Variants in PRORP observed in about 807,000 individuals in gnomAD.
PRORP encodes protein only RNase P catalytic subunit, also known as mitochondrial ribonuclease P catalytic subunit.
Under a neutral mutation model 59.4 loss-of-function variants are expected in PRORP, and 51 were observed. That is an observed-to-expected ratio of 0.86 (90% CI 0.69 to 1.08). PRORP has a LOEUF of 1.08. Among genes scored for constraint, PRORP ranks in the 50% least tolerant of loss-of-function variants. The pLI is 0.00. For synonymous variants in PRORP, 231 were observed against 245.6 expected (o/e 0.94, Z 0.55); for missense variants, 646 against 690.3 (o/e 0.94, Z 0.72).
chr14:35,217,268 A>G (rs1253332134), intron 5 of PRORP, among the ~76,000 whole-genome samples: 1 of 152,166 alleles, frequency 6.6e-6, no homozygotes, highest in Non-Finnish European at 1.5e-5. Context: ...TGGGAGGCCA[A>G]GGTGGGCAGA....
intron 5 of PRORP, among the ~76,000 whole-genome samples, chr14:35,217,429 A>G (rs2049631643): frequency 6.6e-6 from 1 of 150,454 alleles, no homozygotes; most frequent in African/African-American, 2.5e-5. Context: ...TGAACCTGGG[A>G]GGCAAAGGTT....
intron 5 of PRORP, among the ~76,000 whole-genome samples, chr14:35,200,182 TTTTG>T (rs149290991): frequency 0.1 from 15,487 of 151,890 alleles, 872 homozygotes; most frequent in African/African-American, 0.15. Context: ...ATGCAAAATT[TTTTG>T]TTTGTTTGTT....
At chr14:35,200,036 T>G (rs1200470846) in intron 5 of PRORP, among the ~76,000 whole-genome samples, 1 of 152,152 alleles carries the variant, frequency 6.6e-6, no homozygotes, top group Non-Finnish European at 1.5e-5. Flanking sequence ...GAAACAGCCA[T>G]TCGTCTTCAA....
rs1271953678 is a variant in PRORP, at chr14:35,126,904, A to G, written c.1034+122A>G. ...ATAATTACAAGTTTGTAATTAGAGT[A>G]TCTGAGGAAAAAAACATACTTTGCA... is the stretch of plus-strand genomic sequence containing the variant. On this transcript the variant is annotated intron_variant, in intron 3 of 7. Transcript: ENST00000534898. 1.5e-5 allele frequency: 11 copies of G among 725,028 alleles called. No homozygotes were observed. The East Asian group carries it at 3.0e-4, about 20-fold the overall frequency. 44.9% of individuals were successfully genotyped at this position (725,028 alleles called of 1,614,324 possible).
At chr14:35,218,473 A>AAT (rs1357638653) in intron 5 of PRORP, among the ~76,000 whole-genome samples, 1 of 145,950 alleles carries the variant, frequency 6.9e-6, no homozygotes, top group Non-Finnish European at 1.5e-5. Flanking sequence ...AAAAGAAAAA[A>AAT]AAAAAAAAAA....
chr14:35,183,298 A>G (rs770591340), intron 5 of PRORP, among the ~76,000 whole-genome samples: 3 of 152,150 alleles, frequency 2.0e-5, no homozygotes, highest in African/African-American at 4.8e-5. Flanking sequence ...AGAATACTGT[A>G]TAAGAGAATT....
intron 4 of PRORP, among the ~76,000 whole-genome samples, chr14:35,150,189 T>C (rs1017527833): frequency 6.6e-6 from 1 of 152,206 alleles, no homozygotes; most frequent in Non-Finnish European, 1.5e-5. Flanking sequence ...GCTCAGTGAT[T>C]TCAAGCTTTT....
At chr14:35,149,048 A>C (rs1299321753) in intron 4 of PRORP, among the ~76,000 whole-genome samples, 2 of 146,558 alleles carry the variant, frequency 1.4e-5, no homozygotes, top group Non-Finnish European at 3.0e-5. Context: ...CCTCCCGAGT[A>C]GCTGGGACAA....
At chr14:35,201,170 A>G (rs1468385827) in intron 5 of PRORP, among the ~76,000 whole-genome samples, 1 of 152,246 alleles carries the variant, frequency 6.6e-6, no homozygotes, top group East Asian at 1.9e-4. Context: ...AAAAGTAGAT[A>G]GTATCAACAT....
chr14:35,260,151 A>G (rs2138630723), intron 5 of PRORP, among the ~76,000 whole-genome samples: 1 of 152,070 alleles, frequency 6.6e-6, no homozygotes, highest in African/African-American at 2.4e-5. Flanking sequence ...AGCTGGGACC[A>G]CAGGCACACA....
At chr14:35,158,916 C>T in intron 4 of PRORP, 1 of 307,970 alleles carries the variant, frequency 3.2e-6, no homozygotes, top group Non-Finnish European at 6.3e-6. Context: ...CTGGATTTCC[C>T]ACCACCGTAA....
intron 4 of PRORP, among the ~76,000 whole-genome samples, chr14:35,179,239 G>C (rs186351596): frequency 5.9e-5 from 9 of 152,242 alleles, no homozygotes; most frequent in Non-Finnish European, 1.2e-4. Flanking sequence ...TCTTCTTGAG[G>C]AGTATCTTTG....
chr14:35,206,307 C>T (rs1185247598), intron 5 of PRORP, among the ~76,000 whole-genome samples: 1 of 152,110 alleles, frequency 6.6e-6, no homozygotes, highest in Non-Finnish European at 1.5e-5. Flanking sequence ...ATGCTGTTAG[C>T]GAATTCCCTG....
intron 5 of PRORP, among the ~76,000 whole-genome samples, chr14:35,264,835 A>G (rs1279158403): frequency 6.6e-6 from 1 of 152,074 alleles, no homozygotes; most frequent in Non-Finnish European, 1.5e-5. Context: ...AAAATTAGCC[A>G]GGCATGATGG....
chr14:35,270,740 G>A lies in PRORP; in HGVS notation c.1620+144G>A. 1.4e-5 allele frequency: 11 copies of A among 759,344 alleles called. No individual in the cohort carries two copies. The South Asian group carries it at 1.9e-4, about 13-fold the overall frequency. The allele number at this position is 759,344 out of a possible 1,614,324, so 47.0% of individuals were successfully genotyped here. A position where few individuals can be genotyped will look rare whatever the true frequency, so the allele number is the denominator to read the frequency against. On this transcript the variant is annotated intron_variant, in intron 7 of 7. Transcript: ENST00000534898. ...TAGGTTAGTATTTGGAACTAGCCAG[G>A]TCCTAGAAAGAGTCTGCTAGAGTTT...
intron 5 of PRORP, among the ~76,000 whole-genome samples, chr14:35,239,369 A>C (rs1399150656): frequency 6.6e-6 from 1 of 151,650 alleles, no homozygotes; most frequent in Admixed American, 6.6e-5. Context: ...AAAAAAAACA[A>C]ACTACACTAA....
At chr14:35,135,501 G>C (rs1235396158) in intron 4 of PRORP, among the ~76,000 whole-genome samples, 2 of 152,090 alleles carry the variant, frequency 1.3e-5, no homozygotes, top group African/African-American at 4.8e-5. Context: ...CTGATCCCTG[G>C]TATCAATGAA....
chr14:35,253,411 A>G (rs987066440), intron 5 of PRORP, among the ~76,000 whole-genome samples: 3 of 137,526 alleles, frequency 2.2e-5, no homozygotes, highest in African/African-American at 9.6e-5. Context: ...AAGGAAAGAA[A>G]GAAAAAAAGA....
In PRORP at chr14:35,144,022, T is replaced by C. The variant is rs1240624012; in HGVS notation, c.1167+16411T>C. The C allele has an allele frequency of 1.4e-5, 2 of 147,222 alleles. 1 individual carries two copies. The highest frequency in any genetic ancestry group is 3.0e-5 in the Non-Finnish European group (2 of 66,460). 9.1% of individuals were successfully genotyped at this position (147,222 alleles called of 1,614,324 possible). ...TAGAATTAGCTATTCGGACTCAGTT[T>C]AGGTTATCCCAGTTTTACTGGCAAC... On this transcript the variant is annotated intron_variant, in intron 4 of 7. Transcript: ENST00000534898.
Sources: gnomAD v4.1 joint callset for allele counts (sites outside exome capture counted in the v4.1 genomes callset) on GRCh38, gnomAD v4.1.1 for gene constraint, MANE v1.5 for transcripts, NCBI Gene and HGNC (gene_info 2026-07-23, HGNC 2026-07-21) for gene names.